The following DUS2 variants were observed in gnomAD, a reference collection of about 807,000 sequenced individuals.
DUS2 encodes the protein dihydrouridine synthase 2.
Under a neutral mutation model 71.3 loss-of-function variants are expected in DUS2, and 52 were observed. The observed-to-expected ratio is 0.73, with a 90% confidence interval of 0.58 to 0.92. DUS2 has a LOEUF of 0.92. Ranked by LOEUF, DUS2 falls within the 40% of genes least tolerant of loss-of-function variation. The pLI is 0.00. For missense variants in DUS2, 558 were observed against 622.6 expected (o/e 0.90, Z 1.10); for synonymous variants, 204 against 227.8 (o/e 0.90, Z 0.94).
intron 12 of DUS2, among the ~76,000 whole-genome samples, chr16:68,072,886 G>A (rs566909540): frequency 6.6e-6 from 1 of 152,332 alleles, no homozygotes; most frequent in East Asian, 1.9e-4. Context: ...CCTCACACTT[G>A]TATAGATAAA....
intron 7 of DUS2, among the ~76,000 whole-genome samples, chr16:68,060,500 G>A (rs190998320): frequency 6.9e-4 from 105 of 152,190 alleles, no homozygotes; most frequent in African/African-American, 2.5e-3. Flanking sequence ...TTTTGGTAGA[G>A]ACTGGATTTC....
chr16:68,072,064 G>A (rs912835695), intron 12 of DUS2, among the ~76,000 whole-genome samples: 6 of 152,186 alleles, frequency 3.9e-5, no homozygotes, highest in Non-Finnish European at 7.4e-5. Context: ...CTGAACAGAG[G>A]GTGCAGTCTT....
chr16:68,023,334 T>A lies in DUS2; in HGVS notation c.-116T>A. The A allele has an allele frequency of 8.7e-7, 1 of 1,147,944 alleles. No homozygotes were observed. The highest frequency in any genetic ancestry group is 1.2e-6 in the Non-Finnish European group (1 of 824,618). 71.1% of individuals were successfully genotyped at this position (1,147,944 alleles called of 1,614,324 possible). A position where few individuals can be genotyped will look rare whatever the true frequency, so the allele number is the denominator to read the frequency against. ...CGTGAGGAAGAAGCGAGGTTCTTTTTAAGAGTTCAGCTGCGAGGTCTGTAG... is the reference window on the plus strand; with the variant it reads ...CGTGAGGAAGAAGCGAGGTTCTTTTAAAGAGTTCAGCTGCGAGGTCTGTAG... On this transcript the variant is annotated 5_prime_UTR_variant, in exon 1 of 17. Coordinates refer to ENST00000565263, the MANE Select transcript of DUS2 (RefSeq NM_017803.5).
At position 68,066,339 on chromosome 16, in the gene DUS2, G is replaced by A. The variant is rs1478146050; in HGVS notation, c.440G>A (p.Gly147Glu). 2 of 1,614,044 alleles carry A rather than the reference G, an allele frequency of 1.2e-6. No homozygotes were observed. The highest frequency in any genetic ancestry group is 1.3e-5 in the African/African-American group (1 of 74,922). The change falls in exon 9 of 17, where the codon GGG (glycine) becomes GAG (glutamate). Residue 147 changes from glycine to glutamate, a missense_variant. Coordinates refer to ENST00000565263, the MANE Select transcript of DUS2 (RefSeq NM_017803.5). ...IEKILSTLVKGTRRPVTCKIR... is the reference protein window; with the variant it reads ...IEKILSTLVKETRRPVTCKIR... ...CAGATCCTCAGCACTCTTGTTAAAG[G>A]GACACGCAGACCTGTGACCTGCAAG...
At chr16:68,046,892 G>A (rs944020364) in intron 3 of DUS2, among the ~76,000 whole-genome samples, 1 of 150,596 alleles carries the variant, frequency 6.6e-6, no homozygotes, top group African/African-American at 2.4e-5. Context: ...GACTACAGGC[G>A]TCTGCCACCA....
chr16:68,036,718 G>T (rs1416259839), intron 2 of DUS2, among the ~76,000 whole-genome samples: 2 of 152,212 alleles, frequency 1.3e-5, no homozygotes, highest in African/African-American at 2.4e-5. Flanking sequence ...GGGATTATAG[G>T]TGTGAGCCAC....
rs148229050 is a variant in DUS2 at position 68,052,249 on chromosome 16, A to G, written c.173-1315A>G. On this transcript the variant is annotated intron_variant, in intron 4 of 16. Coordinates refer to ENST00000565263, the MANE Select transcript of DUS2 (RefSeq NM_017803.5). ...CAGTGAGATCACCAACAAAAAGCAT[A>G]GACATGCAGAAATGTGGCATGAAAT... 5.9e-5 allele frequency among the ~76,000 whole-genome samples: 9 copies of G among 152,298 alleles called. No homozygotes were observed. The East Asian group carries it at 1.7e-3, about 29-fold the overall frequency.
intron 15 of DUS2, 123 bp from the exon 16 acceptor site, chr16:68,078,322 A>C: frequency 1.1e-6 from 1 of 885,976 alleles, no homozygotes; most frequent in Admixed American, 1.9e-5. Flanking sequence ...CATGTGATAC[A>C]GGCAGCCTTC....
intron 3 of DUS2, among the ~76,000 whole-genome samples, chr16:68,039,178 G>A (rs569701677): frequency 1.3e-5 from 2 of 152,260 alleles, no homozygotes; most frequent in Non-Finnish European, 2.9e-5. Flanking sequence ...AATGACAGAA[G>A]AGGTAAAAGA....
At chr16:68,063,801 G>GC (rs1470827377) in intron 8 of DUS2, among the ~76,000 whole-genome samples, 1 of 152,122 alleles carries the variant, frequency 6.6e-6, no homozygotes, top group Non-Finnish European at 1.5e-5. Flanking sequence ...TCAGCTCACT[G>GC]CAACATCCAC....
intron 4 of DUS2, among the ~76,000 whole-genome samples, chr16:68,053,227 C>T (rs1189058842): frequency 1.3e-5 from 2 of 152,230 alleles, no homozygotes; most frequent in African/African-American, 2.4e-5. Context: ...TCCCAAGGTG[C>T]TGGGATTACA....
At chr16:68,056,284 CAG>C (rs1471847335) in intron 6 of DUS2, 78 bp from the exon 7 acceptor site, 3 of 1,231,488 alleles carry the variant, frequency 2.4e-6, no homozygotes, top group Non-Finnish European at 3.6e-6. Context: ...TTCATGAGCA[CAG>C]GCCCATCCAT....
intron 3 of DUS2, among the ~76,000 whole-genome samples, chr16:68,043,412 GAA>G (rs796692363): frequency 7.4e-6 from 1 of 135,352 alleles, no homozygotes. Context: ...GTCTCAGGGA[GAA>G]AAAAAAAAAA....
chr16:68,056,971 C>T (rs2033863201), intron 7 of DUS2, among the ~76,000 whole-genome samples: 1 of 137,324 alleles, frequency 7.3e-6, no homozygotes, highest in Non-Finnish European at 1.5e-5. Flanking sequence ...ATATATTACA[C>T]ATATAAATAT....
intron 3 of DUS2, among the ~76,000 whole-genome samples, chr16:68,045,201 C>G (rs2033682817): frequency 6.6e-6 from 1 of 152,056 alleles, no homozygotes; most frequent in African/African-American, 2.4e-5. Flanking sequence ...ATCTTGTGTC[C>G]TTGACCTTGC....
chr16:68,053,564 A>G lies in DUS2; in HGVS notation c.173A>G (p.Glu58Gly), dbSNP rs2033809771. Residue 58 changes from glutamate (E) to glycine (G), a missense_variant and splice_region_variant, in exon 5 of 17, where the codon GAG becomes GGG. Glu to Gly is a moderately conservative substitution (Grantham distance 98). Transcript: ENST00000565263. ...CCTATGTGTTTGGGTTTTCTTGCAG[A>G]GGTGCTCAGCACAGTGGACTTTGTC... ...KMIQCKRVVNEVLSTVDFVAP... is the reference protein window; with the variant it reads ...KMIQCKRVVNGVLSTVDFVAP... 1 of 1,614,074 alleles carries G rather than the reference A, an allele frequency of 6.2e-7. No individual in the cohort carries two copies.
chr16:68,065,717 A>C (rs1189200089), intron 8 of DUS2, among the ~76,000 whole-genome samples: 1 of 152,082 alleles, frequency 6.6e-6, no homozygotes, highest in East Asian at 1.9e-4. Flanking sequence ...GGCTTCAAGC[A>C]ATCTTCCCAC....
chr16:68,057,817 G>A (rs1420947644), intron 7 of DUS2, among the ~76,000 whole-genome samples: 1 of 150,812 alleles, frequency 6.6e-6, no homozygotes, highest in Non-Finnish European at 1.5e-5. Flanking sequence ...GGAGACGGAG[G>A]TTGCAGTGAG....
rs1408886677 is a variant in DUS2 at position 68,066,316 on chromosome 16, G to C, written c.418-1G>C. On this transcript the variant is annotated splice_acceptor_variant, in intron 8 of 16. Coordinates refer to ENST00000565263, the MANE Select transcript of DUS2 (RefSeq NM_017803.5). LOFTEE classifies it high-confidence loss of function. ...GTGCTCTTGTGTTTTCCTTTCTGCA[G>C]ATCCTCAGCACTCTTGTTAAAGGGA... The C allele has an allele frequency of 6.2e-7, 1 of 1,614,006 alleles. No homozygotes were observed. The highest frequency in any genetic ancestry group is 1.3e-5 in the African/African-American group (1 of 74,922).
Sources: gnomAD v4.1 joint callset for allele counts (sites outside exome capture counted in the v4.1 genomes callset) on GRCh38, gnomAD v4.1.1 for gene constraint, MANE v1.5 for transcripts, NCBI Gene and HGNC (gene_info 2026-07-23, HGNC 2026-07-21) for gene names.